Variants in DYNC1I1 observed in about 807,000 individuals in gnomAD.
DYNC1I1 encodes the protein cytoplasmic dynein 1 intermediate chain 1.
In DYNC1I1, 43 loss-of-function variants were observed where a neutral mutation model predicts 86.6. The observed-to-expected ratio is 0.50, with a 90% CI of 0.39 to 0.64. The LOEUF is 0.64. DYNC1I1 is among the 30% of genes least tolerant of loss of function. The probability of loss-of-function intolerance (pLI) is 0.00; values close to 1 mark genes in which losing one functional copy is unlikely to be tolerated. For missense variants in DYNC1I1, 604 were observed against 788.8 expected, an observed-to-expected ratio of 0.77 and a Z score of 2.81; for synonymous variants, 262 against 283.7, an observed-to-expected ratio of 0.92 and a Z score of 0.77.
chr7:96,082,069 G>A (rs1242636518), intron 16 of DYNC1I1, among the ~76,000 whole-genome samples: 1 of 152,146 alleles, frequency 6.6e-6, no homozygotes, highest in African/African-American at 2.4e-5. Context: ...GGTGACTATT[G>A]ATATAGTCTG....
intron 9 of DYNC1I1, among the ~76,000 whole-genome samples, chr7:95,991,370 C>T (rs1793725463): frequency 6.6e-6 from 1 of 152,172 alleles, no homozygotes; most frequent in Admixed American, 6.5e-5. Flanking sequence ...AAAGACTTCA[C>T]CTTTGGCTAG....
intron 6 of DYNC1I1, among the ~76,000 whole-genome samples, chr7:95,880,299 C>T (rs751778717): frequency 2.6e-5 from 4 of 152,092 alleles, no homozygotes; most frequent in South Asian, 2.1e-4. Flanking sequence ...GAAGTCCGTT[C>T]GTGGAATACT....
At position 95,830,654 on chromosome 7, in the gene DYNC1I1, T is replaced by C. The variant is rs73710503; in HGVS notation, c.374+2538T>C. Among the ~76,000 whole-genome samples the C allele has an allele frequency of 7.7e-3, 1,179 of 152,296 alleles. 10 individuals carry two copies. Among genetic ancestry groups the C allele is most frequent in the African/African-American group, 0.026 (1,095 of 41,568 alleles). The stretch of plus-strand genomic sequence containing the variant: ...TTGCCCATTACAAATAGAACTGCTA[T>C]AAACATTCATGTACAAATATTTTAA... On this transcript the variant is annotated intron_variant, in intron 5 of 16. Coordinates refer to ENST00000447467, the MANE Select transcript of DYNC1I1 (RefSeq NM_001135556.2).
chr7:96,006,045 A>G (rs1473843165), intron 10 of DYNC1I1, among the ~76,000 whole-genome samples: 1 of 152,204 alleles, frequency 6.6e-6, no homozygotes, highest in East Asian at 1.9e-4. Flanking sequence ...AAGAGTAGGA[A>G]GGTCCCTGTC....
chr7:95,870,142 A>G, intron 6 of DYNC1I1, 144 bp downstream of exon 6: 2 of 703,184 alleles, frequency 2.8e-6, no homozygotes, highest in Non-Finnish European at 4.4e-6. Context: ...GCCTCTTCTG[A>G]GTTTGAAAGC....
intron 6 of DYNC1I1, among the ~76,000 whole-genome samples, chr7:95,926,132 G>C (rs1310793890): frequency 6.6e-6 from 1 of 152,110 alleles, no homozygotes; most frequent in Non-Finnish European, 1.5e-5. Context: ...ATCATCATAA[G>C]ATTTCAAACA....
intron 6 of DYNC1I1, among the ~76,000 whole-genome samples, chr7:95,954,102 G>A (rs1211514256): frequency 6.6e-6 from 1 of 152,040 alleles, no homozygotes; most frequent in Non-Finnish European, 1.5e-5. Flanking sequence ...GGGATATTGA[G>A]GGAGGGAAGG....
chr7:95,773,202 G>C (rs1005798115), intron 1 of DYNC1I1, among the ~76,000 whole-genome samples: 7 of 152,224 alleles, frequency 4.6e-5, no homozygotes, highest in African/African-American at 1.7e-4. Flanking sequence ...AAAGGATGCT[G>C]TTTGATTACA....
At chr7:95,890,822 A>T (rs529501141) in intron 6 of DYNC1I1, among the ~76,000 whole-genome samples, 1 of 152,342 alleles carries the variant, frequency 6.6e-6, no homozygotes, top group East Asian at 1.9e-4. Flanking sequence ...TCTGGGCACC[A>T]GTTTGAAAAC....
chr7:95,912,223 G>T (rs1033546866), intron 6 of DYNC1I1, among the ~76,000 whole-genome samples: 3 of 152,134 alleles, frequency 2.0e-5, no homozygotes, highest in Non-Finnish European at 4.4e-5. Context: ...TATTAGTAGA[G>T]AGGGGGTTTC....
At chr7:95,821,111 A>C (rs1795066460) in intron 4 of DYNC1I1, among the ~76,000 whole-genome samples, 1 of 152,240 alleles carries the variant, frequency 6.6e-6, no homozygotes, top group African/African-American at 2.4e-5. Context: ...CACACGTCAC[A>C]CCCATCTACA....
chr7:96,018,778 A>G (rs1794461983), intron 10 of DYNC1I1, among the ~76,000 whole-genome samples: 1 of 152,226 alleles, frequency 6.6e-6, no homozygotes, highest in Non-Finnish European at 1.5e-5. Context: ...AGAGGGAAAT[A>G]TCATAAGTTT....
At chr7:95,790,652 G>A (rs28486099) in intron 1 of DYNC1I1, among the ~76,000 whole-genome samples, 265 of 152,326 alleles carry the variant, frequency 1.7e-3, no homozygotes, top group African/African-American at 5.9e-3. Flanking sequence ...CTGACATAAA[G>A]TGGGTGACTA....
intron 11 of DYNC1I1, among the ~76,000 whole-genome samples, chr7:96,028,941 A>G (rs1257437522): frequency 6.6e-6 from 1 of 152,200 alleles, no homozygotes; most frequent in Non-Finnish European, 1.5e-5. Flanking sequence ...AGGTGTGTAC[A>G]GCAATTGTTC....
intron 6 of DYNC1I1, among the ~76,000 whole-genome samples, chr7:95,916,818 A>C (rs186015639): frequency 2.6e-5 from 4 of 152,342 alleles, no homozygotes; most frequent in Admixed American, 2.6e-4. Context: ...GCCTGATTTC[A>C]GCACTTTCAA....
At chr7:96,086,856 T>A (rs1275658190) in intron 16 of DYNC1I1, among the ~76,000 whole-genome samples, 3 of 152,194 alleles carry the variant, frequency 2.0e-5, no homozygotes, top group Admixed American at 2.0e-4. Context: ...AAGAATGGCC[T>A]ACACAATATA....
chr7:96,092,851 A>G (rs1790888117), intron 16 of DYNC1I1, among the ~76,000 whole-genome samples: 1 of 152,154 alleles, frequency 6.6e-6, no homozygotes, highest in Non-Finnish European at 1.5e-5. Flanking sequence ...GATTTAAAAC[A>G]ATCTTTACAA....
chr7:96,073,393 A>G (rs1417490468), intron 14 of DYNC1I1, among the ~76,000 whole-genome samples: 1 of 152,262 alleles, frequency 6.6e-6, no homozygotes, highest in African/African-American at 2.4e-5. Flanking sequence ...AGAATATACT[A>G]CAGTTTTGGT....
intron 5 of DYNC1I1, among the ~76,000 whole-genome samples, chr7:95,839,687 T>C (rs1584268402): frequency 6.6e-6 from 1 of 152,230 alleles, no homozygotes; most frequent in Admixed American, 6.5e-5. Context: ...GTTTTTGTGT[T>C]GCTGTTTAGA....
Sources: allele counts gnomAD v4.1 joint callset (sites outside exome capture counted in the v4.1 genomes callset), GRCh38; gene constraint gnomAD v4.1.1; transcripts MANE v1.5; gene names NCBI Gene and HGNC (gene_info 2026-07-23, HGNC 2026-07-21).